TSPAN1: variants seen among roughly 807,000 people sequenced by gnomAD.
TSPAN1 encodes the protein tetraspanin 1.
Under a neutral mutation model 26.9 loss-of-function variants are expected in TSPAN1, and 23 were observed. That is an observed-to-expected ratio of 0.85 (90% CI 0.62 to 1.21). The LOEUF is 1.21. Among genes scored for constraint, TSPAN1 ranks in the 50% most tolerant of loss-of-function variants. The probability of loss-of-function intolerance (pLI) is 0.00; values close to 1 mark genes in which losing one functional copy is unlikely to be tolerated. For synonymous variants in TSPAN1, 115 were observed against 114.8 expected (o/e 1.00, Z -0.01); for missense variants, 283 against 298.4 (o/e 0.95, Z 0.38).
chr1:46,175,461 AAC>A (rs1657108413), intron 1 of TSPAN1, 52 bp downstream of exon 1: 12 of 396,946 alleles, frequency 3.0e-5, no homozygotes, highest in Non-Finnish European at 4.9e-5. Flanking sequence ...TCAGCTGGTT[AAC>A]ACCTCTGTGT....
the TSPAN1 span, chr1:46,192,987 C>T: frequency 5.4e-5 from 87 of 1,613,814 alleles, no homozygotes; most frequent in Non-Finnish European, 7.3e-5. Flanking sequence ...ATCATGGTCC[C>T]AAAGGGGTCT....
At chr1:46,186,848 G>A (rs1206260744), downstream of TSPAN1, among the ~76,000 whole-genome samples, 2 of 151,968 alleles carry the variant, frequency 1.3e-5, no homozygotes, top group African/African-American at 4.8e-5. Context: ...ATTTTTAGTA[G>A]AGACGGGGTT....
downstream of TSPAN1, chr1:46,189,676 T>G: frequency 6.5e-7 from 1 of 1,550,064 alleles, no homozygotes; most frequent in Non-Finnish European, 8.7e-7. Flanking sequence ...CACCTCAATT[T>G]GTAAGAGATA....
Position 46,184,836 on chromosome 1 carries a change from G to T in TSPAN1, c.391G>T (p.Gly131Cys). Residue 131 changes from glycine (G) to cysteine (C), a missense_variant, in exon 6 of 9, where the codon GGT becomes TGT. Coordinates refer to ENST00000372003, the MANE Select transcript of TSPAN1 (RefSeq NM_005727.4). Reference protein sequence around the residue: ...LVVPAIKKDYGSQEDFTQVWN... With the variant: ...LVVPAIKKDYCSQEDFTQVWN... ...AGTGCCTGCCATCAAGAAAGATTATGGTTCCCAGGAAGACTTCACTCAAGT... is the reference window on the plus strand; with the variant it reads ...AGTGCCTGCCATCAAGAAAGATTATTGTTCCCAGGAAGACTTCACTCAAGT... The T allele has an allele frequency of 6.2e-7, 1 of 1,614,164 alleles. No individual in the cohort carries two copies. The highest frequency in any genetic ancestry group is 8.5e-7 in the Non-Finnish European group (1 of 1,180,034).
intron 1 of TSPAN1, chr1:46,176,092 G>A (rs1165013438): frequency 9.7e-6 from 9 of 927,772 alleles, no homozygotes; most frequent in East Asian, 2.6e-5. Flanking sequence ...AGCCAGGATG[G>A]TCTCGATCTC....
intron 5 of TSPAN1, 41 bp from the exon 6 acceptor site, chr1:46,184,744 C>A: frequency 6.2e-7 from 1 of 1,613,730 alleles, no homozygotes. Flanking sequence ...TGAATGGCCA[C>A]CTTCTGTACC....
the TSPAN1 span, chr1:46,195,835 G>A: frequency 6.2e-7 from 1 of 1,603,610 alleles, no homozygotes; most frequent in South Asian, 1.1e-5. Context: ...TGAGCACTCG[G>A]CCGGGCGCTA....
the TSPAN1 span, chr1:46,193,621 A>G: frequency 6.2e-7 from 1 of 1,614,214 alleles, no homozygotes; most frequent in South Asian, 1.1e-5. Flanking sequence ...CCTGGGCTGA[A>G]AGCAGAGAGC....
At chr1:46,195,700 C>A in the TSPAN1 span, 4 of 1,012,882 alleles carry the variant, frequency 3.9e-6, no homozygotes, top group Non-Finnish European at 6.1e-6. Flanking sequence ...ACCTGAGTAA[C>A]CTTCCTTCAG....
downstream of TSPAN1, chr1:46,188,899 A>G (rs748524758): frequency 2.0e-5 from 32 of 1,612,716 alleles, 1 homozygote; most frequent in Admixed American, 2.5e-4. Context: ...TCCAGCCCAA[A>G]AAGAAATCCA....
At chr1:46,180,425 CAGGCAGCAGG>C (rs1288537790) in intron 1 of TSPAN1, 91 bp from the exon 2 acceptor site, 1 of 152,568 alleles carries the variant, frequency 6.6e-6, no homozygotes. Flanking sequence ...GATCGGTCTC[CAGGCAGCAGG>C]GGGCAGCAGG....
the TSPAN1 span, chr1:46,196,176 TCCTG>T: frequency 2.5e-6 from 4 of 1,586,194 alleles, no homozygotes; most frequent in Non-Finnish European, 3.4e-6. The surrounding 1 kb of genome is among the most constrained non-coding windows in gnomAD (Gnocchi z 4.4). Context: ...AAACATCACC[TCCTG>T]CCTATGTTTC....
intron 1 of TSPAN1, among the ~76,000 whole-genome samples, chr1:46,177,400 A>C (rs772527409): frequency 6.6e-6 from 1 of 151,692 alleles, no homozygotes; most frequent in Non-Finnish European, 1.5e-5. Context: ...TCTATATTTG[A>C]GTCATTGACA....
At chr1:46,177,663 CAG>C (rs1260829518) in intron 1 of TSPAN1, among the ~76,000 whole-genome samples, 4 of 152,186 alleles carry the variant, frequency 2.6e-5, no homozygotes, top group Admixed American at 1.3e-4. Flanking sequence ...AATAAGAAGA[CAG>C]AGAGTCCTCT....
chr1:46,184,377 A>T lies in TSPAN1; in HGVS notation c.244A>T (p.Ser82Cys), dbSNP rs772440613. ...FLGCYGAKTE[S>C]KCALVTFFFI... ...GGGCTGCTATGGTGCTAAGACTGAG[A>T]GCAAGTGTGCCCTCGTGACGGTGTG... Residue 82 changes from serine (S) to cysteine (C), a missense_variant, in exon 4 of 9, where the codon AGC becomes TGC. By Grantham distance (112) the Ser-to-Cys change is moderately radical (BLOSUM62 -1). Coordinates refer to ENST00000372003, the MANE Select transcript of TSPAN1 (RefSeq NM_005727.4). The T allele has an allele frequency of 6.2e-7, 1 of 1,614,122 alleles. No homozygotes were observed. Among genetic ancestry groups the T allele is most frequent in the Non-Finnish European group, 8.5e-7 (1 of 1,180,022 alleles).
At chr1:46,179,941 GAGAC>G (rs1420259015) in intron 1 of TSPAN1, among the ~76,000 whole-genome samples, 5 of 151,906 alleles carry the variant, frequency 3.3e-5, no homozygotes, top group Admixed American at 6.6e-5. Context: ...AAGTGAGTGA[GAGAC>G]AGAGAAAGAG....
downstream of TSPAN1, chr1:46,190,955 T>C: frequency 1.5e-6 from 1 of 673,958 alleles, no homozygotes; most frequent in Non-Finnish European, 2.7e-6. Flanking sequence ...AGCAAGCTCT[T>C]ACTAGCTTTA....
the TSPAN1 span, chr1:46,195,583 T>C: frequency 3.3e-6 from 2 of 601,590 alleles, no homozygotes; most frequent in African/African-American, 1.8e-5. Flanking sequence ...GTGGGGACTC[T>C]GTCTTGTTTC....
intron 3 of TSPAN1, 160 bp from the exon 4 acceptor site, chr1:46,184,031 T>G: frequency 1.4e-6 from 1 of 708,062 alleles, no homozygotes; most frequent in East Asian, 2.7e-5. Context: ...CTCCCATTTT[T>G]CTGGCTCTAG....
Sources: gnomAD v4.1 joint callset for allele counts (sites outside exome capture counted in the v4.1 genomes callset) on GRCh38, gnomAD v4.1.1 for gene constraint, Gnocchi (gnomAD v3.1) non-coding constraint, MANE v1.5 for transcripts, NCBI Gene and HGNC (gene_info 2026-07-23, HGNC 2026-07-21) for gene names.